The following AKR1A1 variants were observed in gnomAD, a reference collection of about 807,000 sequenced individuals.
AKR1A1 encodes the protein aldo-keto reductase family 1 member A1.
Under a neutral mutation model 39.2 loss-of-function variants are expected in AKR1A1, and 26 were observed. That is an observed-to-expected ratio of 0.66 (90% confidence interval 0.49 to 0.92). The LOEUF (loss-of-function observed/expected upper bound fraction) is 0.92, where lower values mean the gene tolerates loss of function less well. Among genes scored for constraint, AKR1A1 ranks in the 40% least tolerant of loss-of-function variants. The pLI, the probability that AKR1A1 is intolerant of heterozygous loss-of-function variation, is 0.00. For synonymous variants in AKR1A1, 141 were observed against 155.5 expected (o/e 0.91, Z 0.69); for missense variants, 378 against 406.5 (o/e 0.93, Z 0.60).
intron 2 of AKR1A1, among the ~76,000 whole-genome samples, chr1:45,562,082 T>G (rs1644284848): frequency 6.6e-6 from 1 of 152,028 alleles, no homozygotes; most frequent in Non-Finnish European, 1.5e-5. Context: ...AGGAAGGACA[T>G]CTTTCTCTAA....
chr1:45,566,857 C>A lies in AKR1A1; in HGVS notation c.205-12C>A. On this transcript the variant is annotated splice_polypyrimidine_tract_variant and intron_variant, in intron 3 of 8. Transcript: ENST00000351829. ...TGGCTCTTCTCACTGTGGGCCCTGCCCCCTGCACTAGGCGGTGCCTCGGGA... is the reference window on the plus strand; with the variant it reads ...TGGCTCTTCTCACTGTGGGCCCTGCACCCTGCACTAGGCGGTGCCTCGGGA... 1 of 1,613,116 alleles carries A rather than the reference C, an allele frequency of 6.2e-7. No homozygotes were observed. Among genetic ancestry groups the A allele is most frequent in the South Asian group, 1.1e-5 (1 of 90,936 alleles).
intron 2 of AKR1A1, among the ~76,000 whole-genome samples, chr1:45,566,068 C>CTTCT (rs1644339860): frequency 6.6e-6 from 1 of 151,864 alleles, no homozygotes; most frequent in Non-Finnish European, 1.5e-5. Flanking sequence ...TCTGAAGAGG[C>CTTCT]TTCTGGTCCC....
chr1:45,569,147 T>G lies in AKR1A1; in HGVS notation c.830T>G (p.Phe277Cys). ...PSRILQNIKV[F>C]DFTFSPEEMK... ...AACCCCACTCTCCATCCTCAGGTGT[T>G]TGACTTCACCTTTAGCCCAGAAGAG... Residue 277 changes from phenylalanine to cysteine, a missense_variant, in exon 8 of 9, where the codon TTT (phenylalanine) becomes TGT (cysteine). Coordinates refer to ENST00000351829, the MANE Select transcript of AKR1A1 (RefSeq NM_153326.3). The G allele has an allele frequency of 6.2e-7, 1 of 1,614,032 alleles. No individual in the cohort carries two copies. The highest frequency in any genetic ancestry group is 8.5e-7 in the Non-Finnish European group (1 of 1,179,872).
intron 1 of AKR1A1, among the ~76,000 whole-genome samples, chr1:45,556,597 A>G (rs1485925252): frequency 6.8e-6 from 1 of 146,558 alleles, no homozygotes; most frequent in East Asian, 2.1e-4. Flanking sequence ...AAAAAAGGAT[A>G]GCCGGGCGCA....
At chr1:45,564,775 A>G (rs536269198) in intron 2 of AKR1A1, among the ~76,000 whole-genome samples, 2 of 151,838 alleles carry the variant, frequency 1.3e-5, no homozygotes, top group African/African-American at 4.8e-5. Flanking sequence ...ATTGAAAAAA[A>G]AAATTATTTA....
At chr1:45,559,634 CTTTTTTTTTTTTTTTT>C (rs71056306) in intron 1 of AKR1A1, among the ~76,000 whole-genome samples, 4 of 73,128 alleles carry the variant, frequency 5.5e-5, no homozygotes, top group Non-Finnish European at 7.2e-5. Context: ...CTTTTCTTTT[CTTTTTTTTTTTTTTTT>C]TTTTTTTTTT....
Position 45,569,884 on chromosome 1 carries a change from T to G in AKR1A1, c.913-7T>G. 6.2e-7 allele frequency: 1 copy of G among 1,613,676 alleles called. No individual in the cohort carries two copies. ...TGATGGAGTAATCTATCTGTCTCTC[T>G]TTCCAGGTGGATGGGAAGAGAGTCC... On this transcript the variant is annotated splice_polypyrimidine_tract_variant and splice_region_variant and intron_variant, in intron 8 of 8. Transcript: ENST00000351829.
intron 1 of AKR1A1, among the ~76,000 whole-genome samples, chr1:45,553,102 G>A (rs1382111285): frequency 3.3e-5 from 5 of 149,864 alleles, no homozygotes. Context: ...TCCAGCCTGG[G>A]CAACAGAGTG....
intron 1 of AKR1A1, chr1:45,552,341 C>T (rs885754): frequency 2.7e-5 from 4 of 150,304 alleles, no homozygotes; most frequent in African/African-American, 4.9e-5. Context: ...CCCAGTTAAT[C>T]TTTAAAATAA....
At chr1:45,556,926 A>G (rs989485774) in intron 1 of AKR1A1, among the ~76,000 whole-genome samples, 59 of 151,818 alleles carry the variant, frequency 3.9e-4, no homozygotes, top group African/African-American at 1.4e-3. Flanking sequence ...ACAGTGACTC[A>G]TGCCTGTAAT....
At chr1:45,564,980 G>A (rs1644321903) in intron 2 of AKR1A1, among the ~76,000 whole-genome samples, 2 of 151,186 alleles carry the variant, frequency 1.3e-5, no homozygotes, top group South Asian at 2.1e-4. Context: ...CCCCTACCAC[G>A]CCCAGCTAAT....
At chr1:45,560,997 G>A (rs1048498398) in intron 1 of AKR1A1, among the ~76,000 whole-genome samples, 3 of 152,188 alleles carry the variant, frequency 2.0e-5, no homozygotes, top group African/African-American at 7.2e-5. Flanking sequence ...AAAGTGCTGG[G>A]ATTACAGGCG....
intron 1 of AKR1A1, among the ~76,000 whole-genome samples, chr1:45,555,184 T>G (rs374118115): frequency 6.6e-6 from 1 of 152,040 alleles, no homozygotes; most frequent in African/African-American, 2.4e-5. Context: ...CTTTAAAAAT[T>G]CAAATAAAAA....
At chr1:45,560,141 C>A (rs574708794) in intron 1 of AKR1A1, among the ~76,000 whole-genome samples, 1 of 152,078 alleles carries the variant, frequency 6.6e-6, no homozygotes, top group Non-Finnish European at 1.5e-5. Flanking sequence ...CATGCCACCA[C>A]GCCTAGCTAA....
chr1:45,556,334 G>T (rs1644202377), intron 1 of AKR1A1, among the ~76,000 whole-genome samples: 1 of 152,240 alleles, frequency 6.6e-6, no homozygotes, highest in African/African-American at 2.4e-5. Flanking sequence ...TGTAATCCCA[G>T]CACATTGGGC....
At chr1:45,562,355 T>A (rs1192281340) in intron 2 of AKR1A1, among the ~76,000 whole-genome samples, 1 of 148,868 alleles carries the variant, frequency 6.7e-6, no homozygotes, top group Non-Finnish European at 1.5e-5. Flanking sequence ...TTTTTTTTTT[T>A]ACTCGAGACA....
At chr1:45,565,701 C>T (rs558837567) in intron 2 of AKR1A1, among the ~76,000 whole-genome samples, 1 of 152,020 alleles carries the variant, frequency 6.6e-6, no homozygotes, top group South Asian at 2.1e-4. Context: ...TCTCAAACCC[C>T]TGACCTCAGG....
In AKR1A1 at chr1:45,566,971, CAGCT is replaced by C; in HGVS notation, c.308_311del (p.Gln103ArgfsTer8). 6.2e-7 allele frequency: 1 copy of C among 1,614,258 alleles called. No homozygotes were observed. ...CCTCCGGAAGACTCTGGCTGACCTC[CAGCT>C]GGAGTATCTGGACCTGTACCTGATG... is the stretch of plus-strand genomic sequence containing the variant. On this transcript the variant is annotated frameshift_variant, in exon 4 of 9. Transcript: ENST00000351829. LOFTEE classifies it high-confidence loss of function.
intron 1 of AKR1A1, among the ~76,000 whole-genome samples, chr1:45,555,890 A>T (rs556424358): frequency 6.6e-6 from 1 of 152,162 alleles, no homozygotes; most frequent in Non-Finnish European, 1.5e-5. Context: ...ATGCCTATAC[A>T]TACTAGTGGA....
Sources: allele counts gnomAD v4.1 joint callset (sites outside exome capture counted in the v4.1 genomes callset), GRCh38; gene constraint gnomAD v4.1.1; transcripts MANE v1.5; gene names NCBI Gene and HGNC (gene_info 2026-07-23, HGNC 2026-07-21).